The following ITSN1 variants were observed in gnomAD, a reference collection of about 807,000 sequenced individuals.
ITSN1 encodes intersectin-1.
Under a neutral mutation model 239.8 loss-of-function variants are expected in ITSN1, and 58 were observed. The ratio of observed to expected loss-of-function variants is 0.24; its 90% CI spans 0.20 to 0.30. The LOEUF (loss-of-function observed/expected upper bound fraction) is 0.30, where lower values mean the gene tolerates loss of function less well. Ranked by LOEUF, ITSN1 falls within the 10% of genes least tolerant of loss-of-function variation. The pLI is 1.00. For synonymous variants in ITSN1, 780 were observed against 770.8 expected (o/e 1.01, Z -0.20); for missense variants, 1,558 against 2,103.3 (o/e 0.74, Z 5.07).
At chr21:33,811,263 C>A (rs2072893594) in intron 21 of ITSN1, 41 bp downstream of exon 21, 1 of 1,522,618 alleles carries the variant, frequency 6.6e-7, no homozygotes, top group East Asian at 2.3e-5. Flanking sequence ...TTTGAAATCC[C>A]AATTTGATCA....
chr21:33,750,595 T>C (rs748216941), intron 6 of ITSN1, among the ~76,000 whole-genome samples: 2 of 152,200 alleles, frequency 1.3e-5, no homozygotes, highest in Non-Finnish European at 2.9e-5. Flanking sequence ...GTAATTTTCT[T>C]TCAAGGGCTG....
intron 5 of ITSN1, among the ~76,000 whole-genome samples, chr21:33,741,303 C>T (rs932013666): frequency 6.6e-6 from 1 of 152,030 alleles, no homozygotes; most frequent in South Asian, 2.1e-4. Context: ...GTATAGTTAT[C>T]AAAAGAACCA....
At chr21:33,789,184 T>A (rs1166655237) in intron 16 of ITSN1, among the ~76,000 whole-genome samples, 3 of 152,226 alleles carry the variant, frequency 2.0e-5, no homozygotes, top group African/African-American at 7.2e-5. Context: ...CCAAAGGCCT[T>A]CTATAAATTT....
At chr21:33,715,305 A>G (rs1218181040) in intron 1 of ITSN1, among the ~76,000 whole-genome samples, 2 of 152,196 alleles carry the variant, frequency 1.3e-5, no homozygotes, top group Non-Finnish European at 2.9e-5. Context: ...TATTAGCACT[A>G]ATAAGAAAGT....
intron 26 of ITSN1, among the ~76,000 whole-genome samples, chr21:33,828,644 G>A (rs778158754): frequency 3.3e-5 from 5 of 150,590 alleles, no homozygotes; most frequent in Non-Finnish European, 7.4e-5. Context: ...TTTTTTTTCT[G>A]TCCTTCTTTC....
Position 33,722,568 on chromosome 21 carries a change from T to G in ITSN1, c.122-20T>G. 1 of 1,522,748 alleles carries G rather than the reference T, an allele frequency of 6.6e-7. No homozygotes were observed. Among genetic ancestry groups the G allele is most frequent in the Non-Finnish European group, 8.8e-7 (1 of 1,140,166 alleles). 94.3% of individuals were successfully genotyped at this position (1,522,748 alleles called of 1,614,324 possible). On this transcript the variant is annotated intron_variant, in intron 3 of 39. Coordinates refer to ENST00000381318, the MANE Select transcript of ITSN1 (RefSeq NM_003024.3). ...TGTTTTTTTTTTTTTTTCCTGAAAC[T>G]TTTTCTGTTTAATTTACAGGTGATC...
chr21:33,672,174 C>T (rs949610689), intron 1 of ITSN1, among the ~76,000 whole-genome samples: 24 of 150,142 alleles, frequency 1.6e-4, no homozygotes, highest in African/African-American at 5.2e-4. Flanking sequence ...ACCTGGGAGA[C>T]GGAGGTTACG....
chr21:33,783,413 G>A (rs940922063), intron 16 of ITSN1, among the ~76,000 whole-genome samples: 5 of 152,114 alleles, frequency 3.3e-5, no homozygotes, highest in African/African-American at 1.2e-4. Flanking sequence ...TCAATTGTAC[G>A]ATTCCAGGAA....
intron 5 of ITSN1, among the ~76,000 whole-genome samples, chr21:33,749,047 G>A (rs553107075): frequency 1.5e-4 from 23 of 150,566 alleles, no homozygotes; most frequent in Admixed American, 3.3e-4. Context: ...GGAGTACTGC[G>A]GTGTGATTGT....
intron 2 of ITSN1, among the ~76,000 whole-genome samples, chr21:33,719,336 G>A (rs1001833735): frequency 1.3e-5 from 2 of 152,170 alleles, no homozygotes; most frequent in Non-Finnish European, 2.9e-5. Context: ...AGCTACTTGG[G>A]AGGCTGAGGC....
intron 5 of ITSN1, among the ~76,000 whole-genome samples, chr21:33,737,780 G>C (rs974946464): frequency 6.6e-6 from 1 of 151,980 alleles, no homozygotes; most frequent in Non-Finnish European, 1.5e-5. Context: ...CACCATGTTG[G>C]TCACGCTGGT....
At chr21:33,847,818 C>T (rs1283242871) in intron 29 of ITSN1, among the ~76,000 whole-genome samples, 5 of 152,230 alleles carry the variant, frequency 3.3e-5, no homozygotes. Context: ...ATCCCACCCG[C>T]TTTTCGCGCC....
chr21:33,794,361 T>C lies in ITSN1; in HGVS notation c.1845T>C (p.Asn615=). ...NQLKELREIH[N]KQQLQKQKSM... is the part of the protein sequence containing the mutation. ...TATAGGAACTAAGAGAAATACACAA[T>C]AAGCAACAACTCCAGAAGCAAAAGT... Residue 615 remains asparagine (N), a synonymous_variant, in exon 17 of 40, where the codon AAT becomes AAC. Transcript: ENST00000381318. 6.2e-7 allele frequency: 1 copy of C among 1,613,370 alleles called. No homozygotes were observed. The highest frequency in any genetic ancestry group is 1.1e-5 in the South Asian group (1 of 90,950).
At position 33,808,049 on chromosome 21, in the gene ITSN1, C is replaced by T. The variant is rs1192390226; in HGVS notation, c.2320-2926C>T. On this transcript the variant is annotated intron_variant, in intron 20 of 39. Coordinates refer to ENST00000381318, the MANE Select transcript of ITSN1 (RefSeq NM_003024.3). ...AAATACAAAAAAAATTAGCCGGGCG[C>T]GGTGGCGGGCGCCTGTAGTCCCAGC... is the stretch of plus-strand genomic sequence containing the variant. 4.6e-5 allele frequency among the ~76,000 whole-genome samples: 7 copies of T among 151,742 alleles called. 1 individual carries two copies. In the East Asian group the frequency reaches 9.8e-4, roughly 21 times the overall value.
intron 30 of ITSN1, among the ~76,000 whole-genome samples, 198 bp from the exon 31 acceptor site, chr21:33,858,488 G>A (rs936545180): frequency 3.9e-5 from 6 of 152,132 alleles, no homozygotes; most frequent in Admixed American, 1.3e-4. Flanking sequence ...AGGCCCTGCT[G>A]GGGACCCCCC....
chr21:33,829,658 C>T lies in ITSN1; in HGVS notation c.3264C>T (p.Thr1088=), dbSNP rs202242027. The part of the protein sequence containing the change: ...IAQVIASYTA[T]GPEQLTLAPG... ...AGGTTATTGCCTCATACACCGCCAC[C>T]GGCCCCGAGCAGCTCACTCTCGCCC... Residue 1088 remains threonine, a synonymous_variant, in exon 27 of 40, where the codon ACC becomes ACT. Coordinates refer to ENST00000381318, the MANE Select transcript of ITSN1 (RefSeq NM_003024.3). The T allele has an allele frequency of 6.0e-5, 96 of 1,612,518 alleles. No individual in the cohort carries two copies. The highest frequency in any genetic ancestry group is 8.3e-5 in the Admixed American group (5 of 60,018).
At position 33,882,511 on chromosome 21, in the gene ITSN1, AGTTTCC is replaced by A; in HGVS notation, c.4554+57_4554+62del. On this transcript the variant is annotated intron_variant, in intron 35 of 39. Transcript: ENST00000381318. The surrounding 1 kb of genome is among the most constrained non-coding windows in gnomAD (Gnocchi z 4.5). ...GGGTTGACGTGTTTGGGGAGGAAGA[AGTTTCC>A]AAAAAGGAGGTAGAGTTTTAGCAGG... 6.0e-6 allele frequency: 9 copies of A among 1,504,264 alleles called. No individual in the cohort carries two copies. The Admixed American group carries it at 7.3e-5, about 12-fold the overall frequency. The allele number at this position is 1,504,264 out of a possible 1,614,324, so 93.2% of individuals were successfully genotyped here.
rs1016901984 is a variant in ITSN1, at chr21:33,703,896, C to T, written c.-32-14901C>T. Among the ~76,000 whole-genome samples, 12 of 152,168 alleles carry T rather than the reference C, an allele frequency of 7.9e-5. No homozygotes were observed. In the East Asian group the frequency reaches 1.2e-3, roughly 15 times the overall value. On this transcript the variant is annotated intron_variant, in intron 1 of 39. Transcript: ENST00000381318. Reference sequence around the variant, plus strand: ...GTGTTGTCTCCTCGCCGAAGAGCTCCGGGCCCTTAGCCCTGAGGTGCTGCC... The same window carrying T: ...GTGTTGTCTCCTCGCCGAAGAGCTCTGGGCCCTTAGCCCTGAGGTGCTGCC...
At chr21:33,722,499 T>C (rs2065550360) in intron 3 of ITSN1, 89 bp from the exon 4 acceptor site, 4 of 1,465,758 alleles carry the variant, frequency 2.7e-6, no homozygotes, top group African/African-American at 2.9e-5. Context: ...CCAGCCTCTT[T>C]GTAAATTTTG....
Sources: gnomAD v4.1 joint callset for allele counts (sites outside exome capture counted in the v4.1 genomes callset) on GRCh38, gnomAD v4.1.1 for gene constraint, Gnocchi (gnomAD v3.1) non-coding constraint, MANE v1.5 for transcripts, NCBI Gene and HGNC (gene_info 2026-07-23, HGNC 2026-07-21) for gene names.